Variants in EDIL3 observed in about 807,000 individuals in gnomAD.
EDIL3 encodes the protein EGF like and discoidin domains 3.
Under a neutral mutation model 67.4 loss-of-function variants are expected in EDIL3, and 37 were observed. The observed-to-expected ratio is 0.55, with a 90% CI of 0.42 to 0.72. The LOEUF is 0.72. Among genes scored for constraint, EDIL3 ranks in the 30% least tolerant of loss-of-function variants. The probability of loss-of-function intolerance (pLI) is 0.00; values close to 1 mark genes in which losing one functional copy is unlikely to be tolerated. For synonymous variants in EDIL3, 195 were observed against 196.3 expected, an observed-to-expected ratio of 0.99 and a Z score of 0.05; for missense variants, 527 against 586.3, an observed-to-expected ratio of 0.90 and a Z score of 1.04.
intron 9 of EDIL3, among the ~76,000 whole-genome samples, chr5:83,976,928 T>C (rs1407780629): frequency 1.3e-5 from 2 of 151,894 alleles, no homozygotes; most frequent in Non-Finnish European, 2.9e-5. Context: ...AAAGTTACTT[T>C]ATTTTTACTG....
intron 9 of EDIL3, among the ~76,000 whole-genome samples, chr5:84,029,349 T>C (rs1163041370): frequency 6.6e-6 from 1 of 152,192 alleles, no homozygotes; most frequent in African/African-American, 2.4e-5. Context: ...AAACATGACT[T>C]GCTCCTCCTT....
At chr5:84,229,127 T>C (rs1301770505) in intron 3 of EDIL3, among the ~76,000 whole-genome samples, 1 of 152,160 alleles carries the variant, frequency 6.6e-6, no homozygotes, top group Non-Finnish European at 1.5e-5. Flanking sequence ...GAGCTTTTTC[T>C]TCCCATTATA....
intron 1 of EDIL3, among the ~76,000 whole-genome samples, chr5:84,383,370 C>T (rs940600774): frequency 6.6e-6 from 1 of 152,234 alleles, no homozygotes; most frequent in Non-Finnish European, 1.5e-5. Context: ...GGACAAGCTG[C>T]ACCTCGCAGG....
intron 9 of EDIL3, among the ~76,000 whole-genome samples, chr5:83,987,409 C>G (rs1745073782): frequency 1.3e-5 from 2 of 152,122 alleles, no homozygotes; most frequent in Admixed American, 6.6e-5. Flanking sequence ...TTGATTTAGC[C>G]AGACTACCAA....
chr5:84,294,689 T>C (rs2112122901), intron 1 of EDIL3, among the ~76,000 whole-genome samples: 1 of 152,298 alleles, frequency 6.6e-6, no homozygotes, highest in East Asian at 1.9e-4. Context: ...AAGAGTTATG[T>C]AGATTGCACA....
intron 6 of EDIL3, among the ~76,000 whole-genome samples, chr5:84,070,878 G>A (rs947605861): frequency 6.6e-6 from 1 of 152,136 alleles, no homozygotes; most frequent in African/African-American, 2.4e-5. Context: ...GTGTAGCTGG[G>A]GTTTATTGAG....
chr5:84,255,024 A>T (rs1035448849), intron 1 of EDIL3, among the ~76,000 whole-genome samples: 6 of 152,164 alleles, frequency 3.9e-5, no homozygotes, highest in Admixed American at 3.9e-4. Context: ...AACTTTTCAT[A>T]TGAGTAAGGA....
chr5:84,106,587 A>G, intron 6 of EDIL3, 62 bp downstream of exon 6: 1 of 1,479,284 alleles, frequency 6.8e-7, no homozygotes, highest in South Asian at 1.5e-5. Context: ...CTGCTTTTTA[A>G]AATGACCAGA....
At chr5:83,967,397 G>A (rs1216294255) in intron 9 of EDIL3, among the ~76,000 whole-genome samples, 1 of 152,054 alleles carries the variant, frequency 6.6e-6, no homozygotes, top group Non-Finnish European at 1.5e-5. Context: ...TGATGCAATG[G>A]AGATATAGCT....
At chr5:83,944,821 G>A (rs981470920) in intron 10 of EDIL3, among the ~76,000 whole-genome samples, 11 of 151,730 alleles carry the variant, frequency 7.2e-5, no homozygotes, top group Non-Finnish European at 1.0e-4. Context: ...TTTCTTTCTT[G>A]TTTGGCATCA....
chr5:84,017,363 C>A (rs1745625196), intron 9 of EDIL3, among the ~76,000 whole-genome samples: 1 of 152,220 alleles, frequency 6.6e-6, no homozygotes, highest in African/African-American at 2.4e-5. Flanking sequence ...TATTTTTATT[C>A]ATTTTAAAGA....
intron 9 of EDIL3, among the ~76,000 whole-genome samples, chr5:84,013,185 G>A (rs1745545386): frequency 6.6e-6 from 1 of 151,834 alleles, no homozygotes. Flanking sequence ...ATATACATAT[G>A]TGTGTATATA....
At position 84,147,402 on chromosome 5, in the gene EDIL3, T is replaced by C. The variant is rs563751953; in HGVS notation, c.356-10048A>G. ...CTTGACAAACAAGTATGTTGAATTTTTTTTTCTGGGTACACTTAGGAGTGA... is the reference window on the plus strand; with the variant it reads ...CTTGACAAACAAGTATGTTGAATTTCTTTTTCTGGGTACACTTAGGAGTGA... On this transcript the variant is annotated intron_variant, in intron 4 of 10. Coordinates refer to ENST00000296591, the MANE Select transcript of EDIL3 (RefSeq NM_005711.5). Among the ~76,000 whole-genome samples the C allele has an allele frequency of 3.9e-5, 6 of 152,252 alleles. No individual in the cohort carries two copies. In the South Asian group the frequency reaches 6.2e-4, roughly 16 times the overall value.
chr5:84,306,905 T>C (rs1430677291), intron 1 of EDIL3, among the ~76,000 whole-genome samples: 1 of 152,222 alleles, frequency 6.6e-6, no homozygotes, highest in Non-Finnish European at 1.5e-5. Context: ...GGGCCTTATA[T>C]AAAGTGATTC....
At chr5:84,276,642 C>T (rs958038401) in intron 1 of EDIL3, among the ~76,000 whole-genome samples, 1 of 152,018 alleles carries the variant, frequency 6.6e-6, no homozygotes. Flanking sequence ...GATCTTGGCT[C>T]ACTGCAACCT....
At chr5:84,175,611 AAT>A (rs1440028339) in intron 4 of EDIL3, among the ~76,000 whole-genome samples, 1 of 152,178 alleles carries the variant, frequency 6.6e-6, no homozygotes, top group African/African-American at 2.4e-5. Context: ...AAGTGAACTG[AAT>A]TACTGGATGA....
chr5:84,175,233 T>C (rs1748882214), intron 4 of EDIL3, among the ~76,000 whole-genome samples: 1 of 152,134 alleles, frequency 6.6e-6, no homozygotes, highest in Non-Finnish European at 1.5e-5. Context: ...AAAGAAGCCA[T>C]CAAGTTAAAA....
rs113689274 is a variant in EDIL3 at position 84,256,838 on chromosome 5, C to A, written c.68-2626G>T. ...AGTCTCAAAAAAAATGATGAAGATT[C>A]TCTTGACCCTTCATAGAGGTGGCTA... On this transcript the variant is annotated intron_variant, in intron 1 of 10. Coordinates refer to ENST00000296591, the MANE Select transcript of EDIL3 (RefSeq NM_005711.5). Among the ~76,000 whole-genome samples the A allele has an allele frequency of 2.0e-3, 302 of 152,254 alleles. 2 individuals carry two copies. Among genetic ancestry groups the A allele is most frequent in the African/African-American group, 7.0e-3 (291 of 41,546 alleles).
At chr5:84,344,719 A>C (rs563252384) in intron 1 of EDIL3, among the ~76,000 whole-genome samples, 101 of 152,202 alleles carry the variant, frequency 6.6e-4, no homozygotes, top group African/African-American at 2.3e-3. Context: ...GGATTAAATA[A>C]AATATGTTTT....
Sources: allele counts gnomAD v4.1 joint callset (sites outside exome capture counted in the v4.1 genomes callset), GRCh38; gene constraint gnomAD v4.1.1; transcripts MANE v1.5; gene names NCBI Gene and HGNC (gene_info 2026-07-23, HGNC 2026-07-21).